PDE7B: variants seen among roughly 807,000 people sequenced by gnomAD.
PDE7B encodes the protein 3',5'-cyclic-AMP phosphodiesterase 7B.
In PDE7B, 29 loss-of-function variants were observed where a neutral mutation model predicts 56.2. That is an observed-to-expected ratio of 0.52 (90% CI 0.38 to 0.70). PDE7B has a LOEUF of 0.70. Ranked by LOEUF, PDE7B falls within the 30% of genes least tolerant of loss-of-function variation. PDE7B has a pLI of 0.00. For synonymous variants in PDE7B, 197 were observed against 196.9 expected, an observed-to-expected ratio of 1.00 and a Z score of 0.00; for missense variants, 490 against 565.0, an observed-to-expected ratio of 0.87 and a Z score of 1.35.
intron 2 of PDE7B, among the ~76,000 whole-genome samples, chr6:136,008,776 C>T (rs545066460): frequency 1.0e-3 from 152 of 152,044 alleles, no homozygotes; most frequent in African/African-American, 3.0e-3. Context: ...TTCTCCCATT[C>T]TGTAGGTTGC....
intron 1 of PDE7B, among the ~76,000 whole-genome samples, chr6:135,895,664 G>T (rs1347430041): frequency 6.6e-6 from 1 of 152,032 alleles, no homozygotes; most frequent in Non-Finnish European, 1.5e-5. Flanking sequence ...TGCAACCTGG[G>T]AATAGAAATA....
intron 8 of PDE7B, among the ~76,000 whole-genome samples, chr6:136,167,382 T>G (rs1474536545): frequency 6.6e-6 from 1 of 152,138 alleles, no homozygotes; most frequent in African/African-American, 2.4e-5. Context: ...AACTGAATCA[T>G]GGGGGCAGGT....
Position 135,891,369 on chromosome 6 carries a change from G to A in PDE7B, c.21+39350G>A, listed in dbSNP as rs139113942. 3.2e-3 allele frequency among the ~76,000 whole-genome samples: 490 copies of A among 152,304 alleles called. 7 individuals are homozygous for A. The highest frequency in any genetic ancestry group is 9.2e-3 in the African/African-American group (384 of 41,570). On this transcript the variant is annotated intron_variant, in intron 1 of 12. Coordinates refer to ENST00000308191, the MANE Select transcript of PDE7B (RefSeq NM_018945.4). Reference sequence around the variant, plus strand: ...AAAATCATAGATCATTAGGGCTAAAGGAAGAATGTATTTGCCAGATGTTGA... The same window carrying A: ...AAAATCATAGATCATTAGGGCTAAAAGAAGAATGTATTTGCCAGATGTTGA...
At chr6:135,866,670 T>A (rs913882349) in intron 1 of PDE7B, among the ~76,000 whole-genome samples, 1 of 152,176 alleles carries the variant, frequency 6.6e-6, no homozygotes, top group African/African-American at 2.4e-5. Flanking sequence ...GTCGCTGATA[T>A]AAATTAGCTA....
At chr6:135,926,396 AT>A (rs1774190951) in intron 1 of PDE7B, among the ~76,000 whole-genome samples, 1 of 151,792 alleles carries the variant, frequency 6.6e-6, no homozygotes. Flanking sequence ...AAACCTCTGT[AT>A]TTTTTATGAA....
intron 1 of PDE7B, among the ~76,000 whole-genome samples, chr6:135,916,990 G>C (rs947320424): frequency 6.6e-6 from 1 of 151,988 alleles, no homozygotes; most frequent in Admixed American, 6.5e-5. Context: ...TCCTTTCTGT[G>C]TTCTATGTAA....
chr6:135,978,415 A>C (rs1055393937), intron 2 of PDE7B, among the ~76,000 whole-genome samples: 4 of 152,116 alleles, frequency 2.6e-5, no homozygotes, highest in African/African-American at 9.7e-5. Context: ...AAGACCGAGA[A>C]TGTTACTGTA....
chr6:136,163,725 C>T (rs1562510273), intron 8 of PDE7B, among the ~76,000 whole-genome samples: 1 of 152,140 alleles, frequency 6.6e-6, no homozygotes, highest in Non-Finnish European at 1.5e-5. Flanking sequence ...CTATCAGATA[C>T]CCTAAATCAT....
rs116521412 is a variant in PDE7B, at chr6:135,962,359, G to A, written c.82+14835G>A. Among the ~76,000 whole-genome samples, 1,377 of 152,196 alleles carry A rather than the reference G, an allele frequency of 9.0e-3. 27 individuals carry two copies. The highest frequency in any genetic ancestry group is 0.031 in the African/African-American group (1,286 of 41,522). ...CAGTTTCTCTCAGTATTGGGTATGT[G>A]CAGGTGGGGAGGGTCACCTTTAGCT... On this transcript the variant is annotated intron_variant, in intron 2 of 12. Coordinates refer to ENST00000308191, the MANE Select transcript of PDE7B (RefSeq NM_018945.4).
At position 136,022,002 on chromosome 6, in the gene PDE7B, G is replaced by T. The variant is rs182316478; in HGVS notation, c.82+74478G>T. ...TGAGTCTCTGTCACTGCCTTCCTTT[G>T]TTTGTCACTGGCCTTCTTTGTTTCT... On this transcript the variant is annotated intron_variant, in intron 2 of 12. Transcript: ENST00000308191. Among the ~76,000 whole-genome samples, 534 of 152,208 alleles carry T rather than the reference G, an allele frequency of 3.5e-3. 3 individuals carry two copies. The highest frequency in any genetic ancestry group is 0.012 in the African/African-American group (499 of 41,530).
At chr6:135,861,891 G>A (rs1775155092) in intron 1 of PDE7B, among the ~76,000 whole-genome samples, 1 of 151,716 alleles carries the variant, frequency 6.6e-6, no homozygotes, top group Non-Finnish European at 1.5e-5. Flanking sequence ...ATTCCAACTG[G>A]CATCTCTTCA....
intron 2 of PDE7B, among the ~76,000 whole-genome samples, chr6:136,102,789 G>A (rs1198132043): frequency 6.6e-6 from 1 of 152,078 alleles, no homozygotes; most frequent in Non-Finnish European, 1.5e-5. Flanking sequence ...TCTAAAACCT[G>A]CCTTACCTTC....
chr6:135,992,024 A>G (rs1338292292), intron 2 of PDE7B: 1 of 152,170 alleles, frequency 6.6e-6, no homozygotes, highest in Non-Finnish European at 1.5e-5. Context: ...TATTATATCC[A>G]TAGTTTATTC....
chr6:135,940,722 G>A (rs9373157), intron 1 of PDE7B, among the ~76,000 whole-genome samples: 44,466 of 152,044 alleles, frequency 0.29, 8,034 homozygotes, highest in Admixed American at 0.47. Flanking sequence ...GTCAGGTTTC[G>A]CCCTTCATCA....
intron 2 of PDE7B, among the ~76,000 whole-genome samples, chr6:136,073,930 T>C (rs1777089083): frequency 6.6e-6 from 1 of 152,076 alleles, no homozygotes. Flanking sequence ...CTGAAGCAAA[T>C]AAAAAAATTT....
chr6:136,071,611 T>A (rs1054532099), intron 2 of PDE7B, among the ~76,000 whole-genome samples: 2 of 152,214 alleles, frequency 1.3e-5, no homozygotes, highest in African/African-American at 4.8e-5. Context: ...GTCAGTTTTC[T>A]TACTGGAAAA....
At chr6:135,882,603 G>C (rs1775629916) in intron 1 of PDE7B, among the ~76,000 whole-genome samples, 1 of 152,050 alleles carries the variant, frequency 6.6e-6, no homozygotes, top group Non-Finnish European at 1.5e-5. Context: ...TTTTTCCCTT[G>C]AGATTTCCAT....
intron 2 of PDE7B, chr6:136,038,463 G>A (rs951447009): frequency 1.6e-6 from 2 of 1,289,974 alleles, no homozygotes; most frequent in African/African-American, 1.5e-5. Flanking sequence ...AAATCCAAAA[G>A]TGAGCTGCAG....
At chr6:136,010,651 CAG>C (rs1283604597) in intron 2 of PDE7B, among the ~76,000 whole-genome samples, 1 of 151,968 alleles carries the variant, frequency 6.6e-6, no homozygotes, top group Non-Finnish European at 1.5e-5. Flanking sequence ...TTCTGTGAGA[CAG>C]AGTCTCGCTC....
Sources: gnomAD v4.1 joint callset for allele counts (sites outside exome capture counted in the v4.1 genomes callset) on GRCh38, gnomAD v4.1.1 for gene constraint, MANE v1.5 for transcripts, NCBI Gene and HGNC (gene_info 2026-07-23, HGNC 2026-07-21) for gene names.